RHPN2: variants seen among roughly 807,000 people sequenced by gnomAD.
RHPN2 encodes the protein rhophilin-2.
Under a neutral mutation model 79.0 loss-of-function variants are expected in RHPN2, and 40 were observed. The ratio of observed to expected loss-of-function variants is 0.51; its 90% CI spans 0.39 to 0.66. The LOEUF is 0.66. RHPN2 is among the 30% of genes least tolerant of loss of function. The probability of loss-of-function intolerance (pLI) is 0.00; values close to 1 mark genes in which losing one functional copy is unlikely to be tolerated. For missense variants in RHPN2, 686 were observed against 883.5 expected (o/e 0.78, Z 2.83); for synonymous variants, 285 against 363.5 (o/e 0.78, Z 2.46).
intron 3 of RHPN2, among the ~76,000 whole-genome samples, chr19:33,022,954 G>A (rs1351491222): frequency 1.3e-5 from 2 of 152,256 alleles, no homozygotes; most frequent in East Asian, 3.9e-4. Context: ...AGAAGAGGAG[G>A]AGCGAGTGTC....
chr19:32,983,234 G>A (rs565682686), intron 14 of RHPN2, among the ~76,000 whole-genome samples: 3 of 151,348 alleles, frequency 2.0e-5, no homozygotes, highest in Non-Finnish European at 4.4e-5. Context: ...CTTTCTTGGC[G>A]GGGCGTGGTG....
intron 1 of RHPN2, among the ~76,000 whole-genome samples, chr19:33,056,174 G>A (rs1293825157): frequency 6.7e-6 from 1 of 148,756 alleles, no homozygotes; most frequent in East Asian, 2.0e-4. Flanking sequence ...GTGCAATGGC[G>A]TGATCTCAGC....
chr19:32,999,615 A>C lies in RHPN2; in HGVS notation c.1196T>G (p.Leu399Arg). Residue 399 changes from leucine (L) to arginine (R), a missense_variant, in exon 10 of 15, where the codon CTG becomes CGG. Physicochemically the swap from Leu to Arg is moderately radical, Grantham distance 102. Transcript: ENST00000254260. ...CTGTCGGCGCTGCTGATCATTCTTC[A>C]GTGTGGCCAAGGGTGTCAGCCCCTC... Reference protein sequence around the residue: ...MPEGLTPLATLKNDQQRRQLG... With the variant: ...MPEGLTPLATRKNDQQRRQLG... 6.2e-7 allele frequency: 1 copy of C among 1,612,704 alleles called. No homozygotes were observed. Among genetic ancestry groups the C allele is most frequent in the Non-Finnish European group, 8.5e-7 (1 of 1,179,142 alleles).
chr19:33,038,640 C>T (rs567171902), intron 2 of RHPN2, among the ~76,000 whole-genome samples: 73 of 151,604 alleles, frequency 4.8e-4, no homozygotes, highest in African/African-American at 1.7e-3. Flanking sequence ...AGGCGCACAC[C>T]ACCACACCCA....
chr19:32,995,187 C>A (rs895099961), intron 11 of RHPN2, among the ~76,000 whole-genome samples: 1 of 152,070 alleles, frequency 6.6e-6, no homozygotes, highest in African/African-American at 2.4e-5. Flanking sequence ...ATTCTCCTGC[C>A]TCAGCCTCCC....
In RHPN2 at chr19:32,996,774, G is replaced by A. The variant is rs186563112; in HGVS notation, c.1226-554C>T. Among the ~76,000 whole-genome samples the A allele has an allele frequency of 3.0e-3, 455 of 151,926 alleles. 1 individual carries two copies. The highest frequency in any genetic ancestry group is 0.01 in the African/African-American group (421 of 41,406). ...CCTTCTTCGGGCCCGAGAGAATTTCGAGCGTTAGCCGTCTCTCAGTCACCG... is the reference window on the plus strand; with the variant it reads ...CCTTCTTCGGGCCCGAGAGAATTTCAAGCGTTAGCCGTCTCTCAGTCACCG... On this transcript the variant is annotated intron_variant, in intron 10 of 14. Coordinates refer to ENST00000254260, the MANE Select transcript of RHPN2 (RefSeq NM_033103.5).
chr19:33,000,908 G>A (rs1971744243), intron 9 of RHPN2, among the ~76,000 whole-genome samples: 1 of 152,030 alleles, frequency 6.6e-6, no homozygotes, highest in Non-Finnish European at 1.5e-5. Flanking sequence ...GGCACTATAT[G>A]GTATTTCTAT....
At chr19:33,029,105 A>G (rs1382990465) in intron 2 of RHPN2, among the ~76,000 whole-genome samples, 2 of 151,970 alleles carry the variant, frequency 1.3e-5, no homozygotes, top group Non-Finnish European at 2.9e-5. Context: ...GCGCCACCGC[A>G]CTCCAGCCTG....
At chr19:33,053,606 T>C (rs1430664399) in intron 1 of RHPN2, among the ~76,000 whole-genome samples, 1 of 151,792 alleles carries the variant, frequency 6.6e-6, no homozygotes, top group Non-Finnish European at 1.5e-5. Context: ...GTATTTTTAG[T>C]AGAGATGGGG....
Position 33,009,358 on chromosome 19 carries a change from AGGC to A in RHPN2, c.594-1181_594-1179del, listed in dbSNP as rs761493156. Among the ~76,000 whole-genome samples the A allele has an allele frequency of 5.3e-5, 8 of 152,234 alleles. No individual in the cohort carries two copies. In the South Asian group the frequency reaches 6.2e-4, roughly 12 times the overall value. ...GTAATCCCAGCACTTTGGGAGGCCA[AGGC>A]GGTATGGCTTCTCCTAAATGAAATA... On this transcript the variant is annotated intron_variant, in intron 6 of 14. Transcript: ENST00000254260.
intron 7 of RHPN2, 115 bp from the exon 8 acceptor site, chr19:33,003,115 T>C: frequency 1.1e-6 from 1 of 910,748 alleles, no homozygotes; most frequent in Non-Finnish European, 1.7e-6. Context: ...TCCCAACACT[T>C]TGGGAGGCCG....
intron 2 of RHPN2, among the ~76,000 whole-genome samples, chr19:33,043,752 C>CA (rs1972119491): frequency 6.6e-6 from 1 of 152,104 alleles, no homozygotes. Context: ...ACTGTTTTAC[C>CA]ACGAGAGCAT....
chr19:33,046,790 T>C (rs1212827899), intron 1 of RHPN2, among the ~76,000 whole-genome samples: 1 of 152,188 alleles, frequency 6.6e-6, no homozygotes, highest in Non-Finnish European at 1.5e-5. Context: ...TGATGTTGAA[T>C]ATCTTTTCAT....
intron 1 of RHPN2, among the ~76,000 whole-genome samples, chr19:33,059,393 G>A (rs1388816609): frequency 3.3e-5 from 5 of 151,172 alleles, no homozygotes; most frequent in African/African-American, 7.3e-5. Context: ...CCACCTCACA[G>A]GTTCAGGCAA....
intron 5 of RHPN2, among the ~76,000 whole-genome samples, 171 bp from the exon 6 acceptor site, chr19:33,011,974 G>T (rs1599817577): frequency 6.6e-6 from 1 of 151,932 alleles, no homozygotes; most frequent in Admixed American, 6.6e-5. Flanking sequence ...CTGGGAGGAA[G>T]TCAGAAATCC....
At chr19:33,037,823 T>G (rs1972070659) in intron 2 of RHPN2, among the ~76,000 whole-genome samples, 1 of 152,132 alleles carries the variant, frequency 6.6e-6, no homozygotes, top group South Asian at 2.1e-4. Flanking sequence ...ATTCTTGAAG[T>G]CAGTGAGACC....
At chr19:33,017,889 C>A (rs1221988673) in intron 4 of RHPN2, among the ~76,000 whole-genome samples, 2 of 151,752 alleles carry the variant, frequency 1.3e-5, no homozygotes, top group African/African-American at 4.8e-5. Context: ...GGCACGGTGG[C>A]TCATGCCTCT....
Position 33,026,994 on chromosome 19 carries a change from C to A in RHPN2, c.186-362G>T, listed in dbSNP as rs570012425. On this transcript the variant is annotated intron_variant, in intron 2 of 14. Transcript: ENST00000254260. ...GATTCCAGCCGGGCATGGTGGCTTACGTCTGTAATCCCAGCACTCTGGGAG... is the reference window on the plus strand; with the variant it reads ...GATTCCAGCCGGGCATGGTGGCTTAAGTCTGTAATCCCAGCACTCTGGGAG... 8.8e-6 allele frequency: 3 copies of A among 339,386 alleles called. No homozygotes were observed. In the East Asian group the frequency reaches 2.3e-4, roughly 25 times the overall value. The allele number at this position is 339,386 out of a possible 1,614,324, so 21.0% of individuals were successfully genotyped here.
chr19:33,036,870 G>GCCCCCCCCCCCCCCC (rs199550754), intron 2 of RHPN2, among the ~76,000 whole-genome samples: 1 of 141,334 alleles, frequency 7.1e-6, no homozygotes, highest in African/African-American at 2.8e-5. Context: ...CCATGCCTGA[G>GCCCCCCCCCCCCCCC]CCCCCCCGCC....
Sources: allele counts gnomAD v4.1 joint callset (sites outside exome capture counted in the v4.1 genomes callset), GRCh38; gene constraint gnomAD v4.1.1; transcripts MANE v1.5; gene names NCBI Gene and HGNC (gene_info 2026-07-23, HGNC 2026-07-21).